The following GNAQ variants were observed in gnomAD, a reference collection of about 807,000 sequenced individuals.
GNAQ encodes the protein G protein subunit alpha q.
A neutral mutation model predicts 43.9 loss-of-function variants in GNAQ; 8 were observed. The observed-to-expected ratio is 0.18, with a 90% CI of 0.11 to 0.33. GNAQ has a LOEUF of 0.33. Ranked by LOEUF, GNAQ falls within the 10% of genes least tolerant of loss-of-function variation. The probability of loss-of-function intolerance (pLI) is 1.00; values close to 1 mark genes in which losing one functional copy is unlikely to be tolerated. For synonymous variants in GNAQ, 155 were observed against 170.7 expected (o/e 0.91, Z 0.71); for missense variants, 158 against 450.8 (o/e 0.35, Z 5.88).
In GNAQ at chr9:77,761,888, G is replaced by A. The variant is rs547102496; in HGVS notation, c.735+32575C>T. On this transcript the variant is annotated intron_variant, in intron 5 of 6. Transcript: ENST00000286548. ...CCCCGCCTGGCCAGCCGCCCCATCC[G>A]GGAGGGAGGTGGGGGGTCAGCCCCC... Among the ~76,000 whole-genome samples, 285 of 111,186 alleles carry A rather than the reference G, an allele frequency of 2.6e-3. 3 individuals are homozygous for A. Among genetic ancestry groups the A allele is most frequent in the African/African-American group, 8.9e-3 (259 of 29,184 alleles). The allele number at this position is 111,186 out of a possible 152,430, so 72.9% of individuals were successfully genotyped here.
chr9:77,818,571 A>T (rs930739619), intron 2 of GNAQ, among the ~76,000 whole-genome samples: 1 of 152,310 alleles, frequency 6.6e-6, no homozygotes, highest in South Asian at 2.1e-4. Context: ...AGTAAAAATT[A>T]TAAGTAGTTA....
At chr9:77,759,961 T>C (rs1825966835) in intron 5 of GNAQ, among the ~76,000 whole-genome samples, 1 of 150,122 alleles carries the variant, frequency 6.7e-6, no homozygotes, top group African/African-American at 2.4e-5. Flanking sequence ...GGTTTTGCTA[T>C]GTTGCCCAGG....
intron 5 of GNAQ, among the ~76,000 whole-genome samples, chr9:77,758,746 TA>T (rs1825942450): frequency 6.6e-6 from 1 of 152,210 alleles, no homozygotes; most frequent in Non-Finnish European, 1.5e-5. Context: ...TCAGCACATG[TA>T]AAGGTAGCTT....
rs79983723 is a variant in GNAQ at position 77,883,072 on chromosome 9, G to A, written c.321+39089C>T. 3.0e-4 allele frequency among the ~76,000 whole-genome samples: 46 copies of A among 152,312 alleles called. No homozygotes were observed. The East Asian group carries it at 8.5e-3, about 28-fold the overall frequency. ...TAACCCAAGAAACCATCTTACAAGA[G>A]AACAGATGTGATTAGTGAAATAAAT... On this transcript the variant is annotated intron_variant, in intron 2 of 6. Coordinates refer to ENST00000286548, the MANE Select transcript of GNAQ (RefSeq NM_002072.5).
chr9:77,977,258 C>T (rs1374671099), intron 1 of GNAQ, among the ~76,000 whole-genome samples: 1 of 152,096 alleles, frequency 6.6e-6, no homozygotes. Flanking sequence ...ACTCCATTCC[C>T]CACCCTAACC....
chr9:77,815,710 A>G lies in GNAQ; in HGVS notation c.382T>C (p.Tyr128His). The G allele has an allele frequency of 6.2e-7, 1 of 1,600,782 alleles. No individual in the cohort carries two copies. The highest frequency in any genetic ancestry group is 1.1e-5 in the South Asian group (1 of 90,776). ...VEKVSAFENP[Y>H]VDAIKSLWND... ...CATAAACTCTTTATTGCATCTACAT[A>G]TGGATTCTCAAAAGCAGACACCTTC... is the stretch of plus-strand genomic sequence containing the variant. Residue 128 changes from tyrosine (Y) to histidine (H), a missense_variant, in exon 3 of 7, where the codon TAT becomes CAT. By Grantham distance (83) the Tyr-to-His change is moderately conservative (BLOSUM62 2). Coordinates refer to ENST00000286548, the MANE Select transcript of GNAQ (RefSeq NM_002072.5).
intron 5 of GNAQ, among the ~76,000 whole-genome samples, chr9:77,791,719 G>A (rs1039640082): frequency 1.3e-5 from 2 of 152,166 alleles, no homozygotes; most frequent in Non-Finnish European, 2.9e-5. Flanking sequence ...TCCCTTAGCT[G>A]CTTTTGTCTG....
intron 1 of GNAQ, among the ~76,000 whole-genome samples, chr9:78,015,130 T>C (rs1823823051): frequency 6.6e-6 from 1 of 152,238 alleles, no homozygotes; most frequent in African/African-American, 2.4e-5. Context: ...TATTTTATCT[T>C]TTATTACTGA....
chr9:77,820,514 C>T (rs895597499), intron 2 of GNAQ, among the ~76,000 whole-genome samples: 10 of 152,176 alleles, frequency 6.6e-5, no homozygotes, highest in Admixed American at 4.6e-4. Context: ...AGCCTCTCCA[C>T]ACTTATGATT....
At chr9:77,735,449 T>C (rs903136063) in intron 5 of GNAQ, among the ~76,000 whole-genome samples, 1 of 152,192 alleles carries the variant, frequency 6.6e-6, no homozygotes, top group Non-Finnish European at 1.5e-5. Flanking sequence ...TTTGTCTGTG[T>C]CTACTGGGTA....
chr9:77,931,907 A>T lies in GNAQ; in HGVS notation c.137-9562T>A, dbSNP rs75883028. ...TAGCTATAATTTACAATGCAAAATC[A>T]AGTGCAAAAATGAGAGAGTAGTCTG... On this transcript the variant is annotated intron_variant, in intron 1 of 6. Transcript: ENST00000286548. Among the ~76,000 whole-genome samples the T allele has an allele frequency of 7.1e-3, 1,080 of 152,296 alleles. 19 individuals are homozygous for T. The highest frequency in any genetic ancestry group is 0.024 in the African/African-American group (1,003 of 41,560).
At chr9:78,018,966 G>A (rs1823871920) in intron 1 of GNAQ, among the ~76,000 whole-genome samples, 1 of 152,034 alleles carries the variant, frequency 6.6e-6, no homozygotes, top group Non-Finnish European at 1.5e-5. Flanking sequence ...CCTCCCACCC[G>A]CTGCAGAAGA....
At chr9:77,914,611 G>A (rs1268350277) in intron 2 of GNAQ, among the ~76,000 whole-genome samples, 1 of 151,950 alleles carries the variant, frequency 6.6e-6, no homozygotes, top group Non-Finnish European at 1.5e-5. Context: ...GCGGTGAGCC[G>A]AGATTGTGCC....
intron 2 of GNAQ, among the ~76,000 whole-genome samples, chr9:77,847,687 A>G (rs1367394863): frequency 3.9e-5 from 6 of 152,248 alleles, no homozygotes; most frequent in Non-Finnish European, 8.8e-5. Context: ...GGCTACAAAT[A>G]TCTATGAACT....
At chr9:77,980,047 C>G (rs1431174527) in intron 1 of GNAQ, among the ~76,000 whole-genome samples, 1 of 152,162 alleles carries the variant, frequency 6.6e-6, no homozygotes, top group Non-Finnish European at 1.5e-5. Flanking sequence ...TGCTGCACAA[C>G]AGAAAGAGCA....
chr9:77,768,578 C>T (rs1003920025), intron 5 of GNAQ, among the ~76,000 whole-genome samples: 42 of 152,192 alleles, frequency 2.8e-4, no homozygotes, highest in African/African-American at 9.2e-4. Context: ...CACTCTAAGA[C>T]AATGGACTGG....
intron 5 of GNAQ, among the ~76,000 whole-genome samples, chr9:77,769,182 C>T (rs1826180249): frequency 6.6e-6 from 1 of 152,094 alleles, no homozygotes; most frequent in Non-Finnish European, 1.5e-5. Flanking sequence ...GGGTGGATTA[C>T]TTGAGGTCAG....
In GNAQ at chr9:78,024,057, C is replaced by T. The variant is rs992544962; in HGVS notation, c.136+7043G>A. 3.9e-5 allele frequency among the ~76,000 whole-genome samples: 6 copies of T among 151,958 alleles called. No homozygotes were observed. The East Asian group carries it at 7.7e-4, about 20-fold the overall frequency. The stretch of plus-strand genomic sequence containing the variant: ...ATTTCTAAAGCAGACATATTGTTCA[C>T]AATCCATGATTAATCCTGTAATAAA... On this transcript the variant is annotated intron_variant, in intron 1 of 6. Coordinates refer to ENST00000286548, the MANE Select transcript of GNAQ (RefSeq NM_002072.5).
chr9:77,834,747 G>A (rs986597136), intron 2 of GNAQ, among the ~76,000 whole-genome samples: 2 of 152,096 alleles, frequency 1.3e-5, no homozygotes, highest in Non-Finnish European at 2.9e-5. Flanking sequence ...AGATTATCAA[G>A]AACTTTCTTC....
Sources: gnomAD v4.1 joint callset for allele counts (sites outside exome capture counted in the v4.1 genomes callset) on GRCh38, gnomAD v4.1.1 for gene constraint, MANE v1.5 for transcripts, NCBI Gene and HGNC (gene_info 2026-07-23, HGNC 2026-07-21) for gene names.